The following RALYL variants were observed in gnomAD, a reference collection of about 807,000 sequenced individuals.
RALYL encodes RNA-binding Raly-like protein.
A neutral mutation model predicts 35.1 loss-of-function variants in RALYL; 29 were observed. The observed-to-expected ratio is 0.83, with a 90% CI of 0.61 to 1.13. RALYL has a LOEUF of 1.13. Among genes scored for constraint, RALYL ranks in the 50% most tolerant of loss-of-function variants. The pLI, the probability that RALYL is intolerant of heterozygous loss-of-function variation, is 0.00. For missense variants in RALYL, 359 were observed against 360.4 expected, an observed-to-expected ratio of 1.00 and a Z score of 0.03; for synonymous variants, 120 against 127.6, an observed-to-expected ratio of 0.94 and a Z score of 0.40.
chr8:84,250,086 A>G (rs1829885353), intron 1 of RALYL, among the ~76,000 whole-genome samples: 1 of 152,102 alleles, frequency 6.6e-6, no homozygotes, highest in South Asian at 2.1e-4. Context: ...CTGAGACAAT[A>G]CAGAAAGGAA....
chr8:84,203,451 G>T (rs1817378461), intron 1 of RALYL, among the ~76,000 whole-genome samples: 1 of 152,008 alleles, frequency 6.6e-6, no homozygotes, highest in African/African-American at 2.4e-5. Context: ...CCATCATGTT[G>T]TTCATAGTGA....
intron 2 of RALYL, among the ~76,000 whole-genome samples, chr8:84,697,241 AT>A (rs1278806219): frequency 2.0e-5 from 3 of 152,008 alleles, no homozygotes; most frequent in Admixed American, 6.6e-5. Context: ...TGAAATTGAT[AT>A]TTTTTAAAGC....
chr8:84,559,013 C>A (rs2061315689), intron 2 of RALYL, among the ~76,000 whole-genome samples: 1 of 152,100 alleles, frequency 6.6e-6, no homozygotes, highest in Non-Finnish European at 1.5e-5. Flanking sequence ...TCATTACCAT[C>A]ATGTTTTTTC....
intron 1 of RALYL, among the ~76,000 whole-genome samples, chr8:84,301,642 G>T (rs769005709): frequency 5.9e-5 from 9 of 151,932 alleles, no homozygotes; most frequent in Non-Finnish European, 8.8e-5. Flanking sequence ...AAACTCTTTT[G>T]CTCTAAATTG....
At chr8:84,389,276 T>A (rs1410215641) in intron 1 of RALYL, among the ~76,000 whole-genome samples, 6 of 152,178 alleles carry the variant, frequency 3.9e-5, no homozygotes, top group Non-Finnish European at 5.9e-5. Flanking sequence ...TCAGGTAGCA[T>A]GATGCTTCCA....
intron 6 of RALYL, among the ~76,000 whole-genome samples, chr8:84,868,484 G>GCCCA (rs1156765616): frequency 6.6e-6 from 1 of 152,088 alleles, no homozygotes; most frequent in African/African-American, 2.4e-5. Flanking sequence ...GAACAACTAT[G>GCCCA]CCCAGCCTGC....
chr8:84,321,626 T>C (rs1844825617), intron 1 of RALYL, among the ~76,000 whole-genome samples: 1 of 152,094 alleles, frequency 6.6e-6, no homozygotes, highest in East Asian at 1.9e-4. Flanking sequence ...ACTCTATCTT[T>C]TCTTTGTCAC....
intron 2 of RALYL, among the ~76,000 whole-genome samples, chr8:84,712,154 C>A (rs1332487160): frequency 2.6e-5 from 4 of 152,056 alleles, no homozygotes; most frequent in Non-Finnish European, 4.4e-5. Flanking sequence ...CCTTTTTATT[C>A]TCAAGTTCTA....
In RALYL at chr8:84,385,418, G is replaced by T. The variant is rs532741894; in HGVS notation, c.-23-143881G>T. On this transcript the variant is annotated intron_variant, in intron 1 of 8. Transcript: ENST00000521268. ...TAAGACAAAAGATTAGAATAGAAAT[G>T]AACCTTAAATATGATACTTACTTCA... Among the ~76,000 whole-genome samples, 11 of 151,844 alleles carry T rather than the reference G, an allele frequency of 7.2e-5. No individual in the cohort carries two copies. In the South Asian group the frequency reaches 2.3e-3, roughly 32 times the overall value.
At chr8:84,880,023 G>A (rs1444692342) in intron 7 of RALYL, among the ~76,000 whole-genome samples, 3 of 152,122 alleles carry the variant, frequency 2.0e-5, no homozygotes, top group Non-Finnish European at 4.4e-5. Flanking sequence ...GAATGCTGGA[G>A]CAAGCTAATG....
intron 2 of RALYL, among the ~76,000 whole-genome samples, chr8:84,711,967 A>C (rs574483025): frequency 2.6e-5 from 4 of 152,156 alleles, no homozygotes; most frequent in South Asian, 2.1e-4. Context: ...TTACCTAACG[A>C]GTTGAAAATG....
intron 1 of RALYL, among the ~76,000 whole-genome samples, chr8:84,332,732 G>A (rs73293091): frequency 0.02 from 3,080 of 152,096 alleles, 111 homozygotes; most frequent in African/African-American, 0.07. Flanking sequence ...ACCTTTACAA[G>A]AGGATCCATG....
intron 1 of RALYL, among the ~76,000 whole-genome samples, chr8:84,488,907 GCC>G (rs2054939614): frequency 6.6e-6 from 1 of 151,944 alleles, no homozygotes; most frequent in African/African-American, 2.4e-5. Flanking sequence ...TATAAGAGCT[GCC>G]AAAATATTTT....
intron 2 of RALYL, among the ~76,000 whole-genome samples, chr8:84,675,619 CAT>C (rs1183592440): frequency 6.6e-6 from 1 of 151,998 alleles, no homozygotes; most frequent in African/African-American, 2.4e-5. Flanking sequence ...CAAATTGAAA[CAT>C]CTCTTTTTCT....
intron 3 of RALYL, among the ~76,000 whole-genome samples, chr8:84,800,585 G>A (rs139656639): frequency 2.0e-5 from 3 of 152,148 alleles, no homozygotes; most frequent in African/African-American, 7.2e-5. Flanking sequence ...AGTGGGTCCT[G>A]AATGAAGTAT....
intron 2 of RALYL, among the ~76,000 whole-genome samples, chr8:84,738,112 C>A (rs944251142): frequency 2.6e-5 from 4 of 151,960 alleles, no homozygotes; most frequent in African/African-American, 7.2e-5. Context: ...TGTCTAAGTT[C>A]TGTGATTAAA....
At chr8:84,609,264 G>A (rs370388076) in intron 2 of RALYL, among the ~76,000 whole-genome samples, 1 of 152,224 alleles carries the variant, frequency 6.6e-6, no homozygotes, top group South Asian at 2.1e-4. Context: ...GTTTAATTCT[G>A]AGGAACTTAA....
intron 6 of RALYL, among the ~76,000 whole-genome samples, chr8:84,867,395 CTT>C (rs1341429294): frequency 6.6e-6 from 1 of 152,150 alleles, no homozygotes; most frequent in East Asian, 1.9e-4. Flanking sequence ...AGATTATACT[CTT>C]AAACATTTGT....
intron 1 of RALYL, among the ~76,000 whole-genome samples, chr8:84,347,819 A>G (rs1346581412): frequency 2.0e-5 from 3 of 152,126 alleles, no homozygotes; most frequent in Non-Finnish European, 4.4e-5. Context: ...GCTCTATTAA[A>G]AGAAAATCTG....
Sources: gnomAD v4.1 joint callset for allele counts (sites outside exome capture counted in the v4.1 genomes callset) on GRCh38, gnomAD v4.1.1 for gene constraint, MANE v1.5 for transcripts, NCBI Gene and HGNC (gene_info 2026-07-23, HGNC 2026-07-21) for gene names.